Variants in KDM7A observed in about 807,000 individuals in gnomAD.
KDM7A encodes lysine demethylase 7A.
In KDM7A, 28 loss-of-function variants were observed where a neutral mutation model predicts 114.8. The observed-to-expected ratio is 0.24, with a 90% CI of 0.18 to 0.33. KDM7A has a LOEUF of 0.33. Among genes scored for constraint, KDM7A ranks in the 10% least tolerant of loss-of-function variants. KDM7A has a pLI of 1.00. For synonymous variants in KDM7A, 423 were observed against 397.8 expected (o/e 1.06, Z -0.75); for missense variants, 942 against 1,142.5 (o/e 0.82, Z 2.53).
At chr7:140,143,236 G>T (rs1794305741) in intron 1 of KDM7A, among the ~76,000 whole-genome samples, 1 of 150,166 alleles carries the variant, frequency 6.7e-6, no homozygotes, top group Admixed American at 6.6e-5. Flanking sequence ...TATGTATGCA[G>T]AAAATTCAAA....
intron 1 of KDM7A, among the ~76,000 whole-genome samples, chr7:140,167,881 T>C (rs1249050679): frequency 1.3e-5 from 2 of 151,996 alleles, no homozygotes; most frequent in Non-Finnish European, 2.9e-5. Context: ...CACAAACAGC[T>C]AGTACCCCTA....
chr7:140,095,365 T>G (rs1818088840), intron 17 of KDM7A, among the ~76,000 whole-genome samples: 1 of 152,200 alleles, frequency 6.6e-6, no homozygotes, highest in East Asian at 1.9e-4. Flanking sequence ...GTTCTTCCAT[T>G]ACCAACGCAA....
rs1818236344 is a variant in KDM7A at position 140,102,007 on chromosome 7, G to A, written c.1582C>T (p.Leu528=). Residue 528 remains leucine, a synonymous_variant, in exon 12 of 20, where the codon CTA becomes TTA. Coordinates refer to ENST00000397560, the MANE Select transcript of KDM7A (RefSeq NM_030647.2). The part of the protein sequence containing the change: ...NVRTPSNLDI[L]ELHTREVLKR... Reference sequence around the variant, plus strand: ...AGGACCTCCCTTGTGTGGAGCTCTAGGATGTCTAGGTTAGAAGGAGTTCGG... The same window carrying A: ...AGGACCTCCCTTGTGTGGAGCTCTAAGATGTCTAGGTTAGAAGGAGTTCGG... 1 of 1,613,600 alleles carries A rather than the reference G, an allele frequency of 6.2e-7. No homozygotes were observed. Among genetic ancestry groups the A allele is most frequent in the Admixed American group, 1.7e-5 (1 of 59,988 alleles).
At chr7:140,118,459 T>C (rs775043985) in intron 9 of KDM7A, among the ~76,000 whole-genome samples, 7 of 152,132 alleles carry the variant, frequency 4.6e-5, no homozygotes, top group Non-Finnish European at 8.8e-5. Flanking sequence ...TCTGTCGCCA[T>C]TGCATGATCT....
At chr7:140,106,420 A>G (rs1818338832) in intron 11 of KDM7A, among the ~76,000 whole-genome samples, 1 of 152,158 alleles carries the variant, frequency 6.6e-6, no homozygotes, top group Non-Finnish European at 1.5e-5. Context: ...TCTTGTGGGC[A>G]TTTAGTGCTA....
Position 140,159,439 on chromosome 7 carries a change from T to C in KDM7A, c.194+17305A>G, listed in dbSNP as rs528502043. Among the ~76,000 whole-genome samples, 18 of 152,318 alleles carry C rather than the reference T, an allele frequency of 1.2e-4. No homozygotes were observed. The East Asian group carries it at 2.5e-3, about 21-fold the overall frequency. On this transcript the variant is annotated intron_variant, in intron 1 of 19. Coordinates refer to ENST00000397560, the MANE Select transcript of KDM7A (RefSeq NM_030647.2). ...AAAAATGGTGAGGTAGGGATACAAC[T>C]GTTGAAGCCAGGTCCTTGAATGGAT...
chr7:140,096,298 A>C (rs576439416), intron 17 of KDM7A, among the ~76,000 whole-genome samples: 1 of 152,366 alleles, frequency 6.6e-6, no homozygotes, highest in South Asian at 2.1e-4. Flanking sequence ...AAGGGAAATA[A>C]TACTAACTGG....
chr7:140,112,684 T>G (rs564616660), intron 10 of KDM7A, among the ~76,000 whole-genome samples: 2 of 151,806 alleles, frequency 1.3e-5, no homozygotes, highest in African/African-American at 4.8e-5. Context: ...TATTAAAGTA[T>G]TATGTGCAAA....
chr7:140,147,381 T>G (rs548447499), intron 1 of KDM7A, among the ~76,000 whole-genome samples: 4 of 152,324 alleles, frequency 2.6e-5, no homozygotes, highest in African/African-American at 7.2e-5. Context: ...TTTAAAGAAT[T>G]TTCTTAAAAT....
At chr7:140,149,253 C>T (rs1026838645) in intron 1 of KDM7A, among the ~76,000 whole-genome samples, 4 of 152,236 alleles carry the variant, frequency 2.6e-5, no homozygotes, top group Non-Finnish European at 4.4e-5. Flanking sequence ...CTAATTAAAT[C>T]TGTCCCACAA....
chr7:140,135,881 A>C (rs571888315), intron 2 of KDM7A, among the ~76,000 whole-genome samples: 2 of 150,336 alleles, frequency 1.3e-5, no homozygotes, highest in African/African-American at 4.9e-5. Flanking sequence ...CCCCTGGGTT[A>C]ACAATGGGCA....
rs78491696 is a variant in KDM7A, at chr7:140,088,506, C to T, written c.*2588G>A. 0.075 allele frequency: 29,830 copies of T among 398,328 alleles called. 1,302 individuals are homozygous for T. The highest frequency in any genetic ancestry group is 0.091 in the Non-Finnish European group (20,477 of 225,884). The allele number at this position is 398,328 out of a possible 1,614,324, so 24.7% of individuals were successfully genotyped here. ...GTCTGTATGGTATAAATGAGGTTCT[C>T]TATTACTGTTAAGCCCAGGTACTCG... On this transcript the variant is annotated 3_prime_UTR_variant, in exon 20 of 20. Transcript: ENST00000397560.
Position 140,123,781 on chromosome 7 carries a change from G to A in KDM7A, c.1051+840C>T, listed in dbSNP as rs1389281616. On this transcript the variant is annotated intron_variant, in intron 7 of 19. Transcript: ENST00000397560. ...ATGATACATGCTACAACATGGATAA[G>A]CCTAGAAAATAGTATGCCGGCCGGG... 2.0e-5 allele frequency among the ~76,000 whole-genome samples: 3 copies of A among 152,166 alleles called. No homozygotes were observed. The East Asian group carries it at 5.8e-4, about 29-fold the overall frequency.
At chr7:140,169,458 G>T (rs1794614357) in intron 1 of KDM7A, among the ~76,000 whole-genome samples, 1 of 152,054 alleles carries the variant, frequency 6.6e-6, no homozygotes, top group Admixed American at 6.6e-5. Flanking sequence ...CAGAAAACTC[G>T]ATTTCATACC....
chr7:140,101,462 G>A lies in KDM7A; in HGVS notation c.1638+489C>T, dbSNP rs148042486. Among the ~76,000 whole-genome samples the A allele has an allele frequency of 3.3e-3, 509 of 152,184 alleles. 1 individual carries two copies. Among genetic ancestry groups the A allele is most frequent in the Middle Eastern group, 0.017 (5 of 294 alleles). On this transcript the variant is annotated intron_variant, in intron 12 of 19. Transcript: ENST00000397560. The stretch of plus-strand genomic sequence containing the variant: ...TCTTCCTATTTGTTACTCAGCTGTC[G>A]GTTCAAACCTGAGAGGCTCTCTGAC...
intron 1 of KDM7A, among the ~76,000 whole-genome samples, chr7:140,172,990 A>T (rs1794663131): frequency 6.6e-6 from 1 of 152,254 alleles, no homozygotes; most frequent in Admixed American, 6.5e-5. Context: ...AAATGCGATT[A>T]AAGACTAATA....
At chr7:140,118,295 A>G (rs577414776) in intron 9 of KDM7A, among the ~76,000 whole-genome samples, 1 of 152,372 alleles carries the variant, frequency 6.6e-6, no homozygotes, top group East Asian at 1.9e-4. Context: ...GCTCAAAGAT[A>G]ATTAAACCAA....
intron 1 of KDM7A, among the ~76,000 whole-genome samples, chr7:140,168,690 A>G (rs532134372): frequency 2.6e-5 from 4 of 152,362 alleles, no homozygotes; most frequent in East Asian, 3.9e-4. Context: ...GTAACTTTGG[A>G]AAACAATATT....
intron 1 of KDM7A, among the ~76,000 whole-genome samples, chr7:140,173,510 A>G (rs1794669155): frequency 6.6e-6 from 1 of 152,206 alleles, no homozygotes. Flanking sequence ...AGAATAAACT[A>G]AAATTTATAT....
Sources: gnomAD v4.1 joint callset for allele counts (sites outside exome capture counted in the v4.1 genomes callset) on GRCh38, gnomAD v4.1.1 for gene constraint, MANE v1.5 for transcripts, NCBI Gene and HGNC (gene_info 2026-07-23, HGNC 2026-07-21) for gene names.